The following NLRP1 variants were observed in gnomAD, a reference collection of about 807,000 sequenced individuals.
NLRP1 encodes NACHT, LRR and PYD domains-containing protein 1.
A neutral mutation model predicts 136.7 loss-of-function variants in NLRP1; 94 were observed. That is an observed-to-expected ratio of 0.69 (90% CI 0.58 to 0.82). The LOEUF (loss-of-function observed/expected upper bound fraction) is 0.82. Ranked by LOEUF, NLRP1 falls within the 40% of genes least tolerant of loss-of-function variation. NLRP1 has a pLI of 0.00. For synonymous variants in NLRP1, 690 were observed against 725.1 expected (o/e 0.95, Z 0.78); for missense variants, 1,575 against 1,802.7 (o/e 0.87, Z 2.29).
At position 5,559,738 on chromosome 17, in the gene NLRP1, G is replaced by A; in HGVS notation, c.958C>T (p.Pro320Ser). 6.2e-7 allele frequency: 1 copy of A among 1,614,192 alleles called. No individual in the cohort carries two copies. Among genetic ancestry groups the A allele is most frequent in the East Asian group, 2.2e-5 (1 of 44,888 alleles). Residue 320 changes from proline to serine, a missense_variant, in exon 4 of 17, where the codon CCA (proline) becomes TCA (serine). Coordinates refer to ENST00000572272, the MANE Select transcript of NLRP1 (RefSeq NM_033004.4). ...HLIEIRDLFG[P>S]GLDTQEPRIV... Reference sequence around the variant, plus strand: ...CGAGGTTCTTGGGTATCCAGGCCTGGGCCAAATAAGTCTCTGATCTCAATT... The same window carrying A: ...CGAGGTTCTTGGGTATCCAGGCCTGAGCCAAATAAGTCTCTGATCTCAATT...
rs926009173 is a variant in NLRP1 at position 5,505,219 on chromosome 17, G to A, written c.4070-3347C>T. The A allele has an allele frequency of 1.2e-4, 19 of 152,346 alleles. No homozygotes were observed. The South Asian group carries it at 1.4e-3, about 12-fold the overall frequency. 9.4% of individuals were successfully genotyped at this position (152,346 alleles called of 1,614,324 possible). A position where few individuals can be genotyped will look rare whatever the true frequency, so the allele number is the denominator to read the frequency against. ...GCCTGGATAAGCCTAGTCACCTGCT[G>A]AAGGTGCTGTGGCACTTCTAGCCCA... On this transcript the variant is annotated intron_variant, in intron 15 of 15. Transcript: ENST00000262467.
At chr17:5,501,855 G>A in exon 16 of NLRP1, 1 of 1,613,788 alleles carries the variant, frequency 6.2e-7, no homozygotes, top group Non-Finnish European at 8.5e-7. Flanking sequence ...AGGTTCCACG[G>A]CTGGCTGGTG....
intron 3 of NLRP1, among the ~76,000 whole-genome samples, chr17:5,560,409 C>CT (rs1914600668): frequency 6.6e-6 from 1 of 152,156 alleles, no homozygotes; most frequent in Non-Finnish European, 1.5e-5. Context: ...GTTTTCTCAT[C>CT]TGTAAGCTGG....
At chr17:5,515,201 C>T (rs541625564) in intron 16 of NLRP1, 128 bp from the exon 17 acceptor site, 1 of 934,284 alleles carries the variant, frequency 1.1e-6, no homozygotes, top group Non-Finnish European at 1.6e-6. Context: ...TGTCCTCCCT[C>T]ATGGCAGCAT....
Position 5,514,741 on chromosome 17 carries a change from T to TG in NLRP1, c.*12dup. On this transcript the variant is annotated 3_prime_UTR_variant, in exon 17 of 17. Coordinates refer to ENST00000572272, the MANE Select transcript of NLRP1 (RefSeq NM_033004.4). Reference sequence around the variant, plus strand: ...AAGCCAGGACTCAAGGGTCAAGGGCTGGTGTTGATACTTCAGCTGCTGAGT... The same window carrying TG: ...AAGCCAGGACTCAAGGGTCAAGGGCTGGGTGTTGATACTTCAGCTGCTGAGT... The TG allele has an allele frequency of 1.2e-6, 2 of 1,613,174 alleles. No homozygotes were observed. The highest frequency in any genetic ancestry group is 1.7e-6 in the Non-Finnish European group (2 of 1,179,168).
intron 3 of NLRP1, among the ~76,000 whole-genome samples, chr17:5,570,001 G>T (rs1915706392): frequency 6.6e-6 from 1 of 152,102 alleles, no homozygotes; most frequent in African/African-American, 2.4e-5. Flanking sequence ...TAAACAACCT[G>T]CTCCTGAGTG....
chr17:5,555,437 T>G (rs1315677194), intron 4 of NLRP1, among the ~76,000 whole-genome samples: 1 of 152,200 alleles, frequency 6.6e-6, no homozygotes, highest in Admixed American at 6.5e-5. Flanking sequence ...CACTTGTGGC[T>G]GAAGCCTCTG....
rs1189115179 is a variant in NLRP1, at chr17:5,583,896, A to G, written c.62T>C (p.Leu21Pro). 6.2e-7 allele frequency: 1 copy of G among 1,604,422 alleles called. No homozygotes were observed. Among genetic ancestry groups the G allele is most frequent in the Non-Finnish European group, 8.5e-7 (1 of 1,174,728 alleles). The change falls in exon 1 of 17, where the codon CTG (leucine) becomes CCG (proline). Residue 21 changes from leucine (L) to proline (P), a missense_variant. Leu to Pro is a moderately conservative substitution (Grantham distance 98, BLOSUM62 -3). Transcript: ENST00000572272. The surrounding 1 kb of genome is among the most constrained non-coding windows in gnomAD (Gnocchi z 4.5). The stretch of plus-strand genomic sequence containing the variant: ...GGCGAGCAGAAGCTGGAACTCCTTC[A>G]GCTCCTCCTTCTTCAGGAACTCCAA... ...CYLEFLKKEE[L>P]KEFQLLLANK... is the part of the protein sequence containing the mutation.
rs745653895 is a variant in NLRP1, at chr17:5,583,778, C to T, written c.180G>A (p.Gln60=). 6.4e-6 allele frequency: 10 copies of T among 1,554,736 alleles called. No homozygotes were observed. The highest frequency in any genetic ancestry group is 7.8e-6 in the Non-Finnish European group (9 of 1,148,548). The change falls in exon 1 of 17, where the codon CAG becomes CAA. Residue 60 remains glutamine, a synonymous_variant. Coordinates refer to ENST00000572272, the MANE Select transcript of NLRP1 (RefSeq NM_033004.4). This position sits in a 1 kb window ranked among gnomAD's most constrained non-coding sequence, Gnocchi z 4.5. ...GGTCCCAGGCCCGCTGCTCCCCATA[C>T]TGAGCCACCAGGTACGAGGCCACCT... ...GMEVASYLVA[Q]YGEQRAWDLA...
downstream of NLRP1, among the ~76,000 whole-genome samples, chr17:5,510,415 A>C (rs900862986): frequency 5.9e-5 from 9 of 152,024 alleles, no homozygotes; most frequent in Admixed American, 1.3e-4. Flanking sequence ...GCTGGAGGGC[A>C]ATGGCGTGAT....
At chr17:5,533,600 T>C (rs996665659) in intron 9 of NLRP1, among the ~76,000 whole-genome samples, 1 of 143,678 alleles carries the variant, frequency 7.0e-6, no homozygotes, top group Non-Finnish European at 1.5e-5. Flanking sequence ...AAGATGGAGA[T>C]GTGATTCCCA....
chr17:5,520,758 C>T (rs774367896), intron 14 of NLRP1, 123 bp downstream of exon 14: 9 of 917,784 alleles, frequency 9.8e-6, no homozygotes, highest in Non-Finnish European at 1.4e-5. Flanking sequence ...CTAAATCCCA[C>T]TCACTTTCTG....
chr17:5,563,787 C>T (rs1323107225), intron 3 of NLRP1, among the ~76,000 whole-genome samples: 1 of 152,212 alleles, frequency 6.6e-6, no homozygotes, highest in East Asian at 1.9e-4. Context: ...TTGTGAGATA[C>T]TATACAAGAC....
intron 3 of NLRP1, among the ~76,000 whole-genome samples, chr17:5,577,145 C>T (rs923231316): frequency 6.6e-6 from 1 of 152,196 alleles, no homozygotes; most frequent in Admixed American, 6.5e-5. Context: ...GGCAAACCGA[C>T]AGCCAATATC....
chr17:5,527,868 G>A (rs887931849), intron 12 of NLRP1, among the ~76,000 whole-genome samples: 4 of 152,230 alleles, frequency 2.6e-5, no homozygotes, highest in Admixed American at 2.6e-4. Flanking sequence ...CCCACTTGAT[G>A]CACGCAGGAG....
chr17:5,551,446 G>T (rs1365228283), intron 5 of NLRP1, among the ~76,000 whole-genome samples: 3 of 152,214 alleles, frequency 2.0e-5, no homozygotes, highest in Non-Finnish European at 2.9e-5. Context: ...AGGGCAGCTT[G>T]CTTCCAAGTT....
chr17:5,524,440 C>T (rs1415583051), intron 12 of NLRP1, among the ~76,000 whole-genome samples: 2 of 152,202 alleles, frequency 1.3e-5, no homozygotes, highest in East Asian at 3.8e-4. Flanking sequence ...TGATAAATAG[C>T]ACCTGCAATG....
chr17:5,503,215 G>A (rs28447573), intron 15 of NLRP1: 5,143 of 152,486 alleles, frequency 0.034, 132 homozygotes, highest in East Asian at 0.12. Flanking sequence ...GGGTTTTCAA[G>A]GTGGAATGGA....
chr17:5,557,953 G>A (rs1444920176), intron 4 of NLRP1, among the ~76,000 whole-genome samples: 1 of 152,182 alleles, frequency 6.6e-6, no homozygotes, highest in Non-Finnish European at 1.5e-5. Flanking sequence ...CCGAGAGAAT[G>A]AATGCCCAGA....
Sources: gnomAD v4.1 joint callset for allele counts (sites outside exome capture counted in the v4.1 genomes callset) on GRCh38, gnomAD v4.1.1 for gene constraint, Gnocchi (gnomAD v3.1) non-coding constraint, MANE v1.5 for transcripts, NCBI Gene and HGNC (gene_info 2026-07-23, HGNC 2026-07-21) for gene names.